Variants in CDC7 observed in about 807,000 individuals in gnomAD.
The protein encoded by CDC7 is cell division cycle 7-related protein kinase.
Under a neutral mutation model 53.5 loss-of-function variants are expected in CDC7, and 34 were observed. That is an observed-to-expected ratio of 0.64 (90% CI 0.48 to 0.85). The LOEUF is 0.85. Ranked by LOEUF, CDC7 falls within the 40% of genes least tolerant of loss-of-function variation. The pLI is 0.00. For synonymous variants in CDC7, 211 were observed against 222.8 expected, an observed-to-expected ratio of 0.95 and a Z score of 0.47; for missense variants, 594 against 679.7, an observed-to-expected ratio of 0.87 and a Z score of 1.40.
At chr1:91,511,043 AAC>A (rs1423250218) in intron 4 of CDC7, among the ~76,000 whole-genome samples, 1 of 152,028 alleles carries the variant, frequency 6.6e-6, no homozygotes, top group Non-Finnish European at 1.5e-5. Flanking sequence ...TTGTCTAGAT[AAC>A]TCTATCAAAA....
chr1:91,513,067 G>A lies in CDC7; in HGVS notation c.582G>A (p.Leu194=). 1 of 1,613,244 alleles carries A rather than the reference G, an allele frequency of 6.2e-7. No homozygotes were observed. The highest frequency in any genetic ancestry group is 8.5e-7 in the Non-Finnish European group (1 of 1,179,484). ...TAATTTTGTCTCTTAGGTATGCCTT[G>A]GTAGACTTTGGTTTGGCCCAAGGAA... The part of the protein sequence containing the change: ...LYNRRLKKYA[L]VDFGLAQGTH... The change falls in exon 7 of 12, where the codon TTG becomes TTA. Residue 194 remains leucine (L), a synonymous_variant. Transcript: ENST00000234626.
intron 2 of CDC7, among the ~76,000 whole-genome samples, chr1:91,503,039 C>CT (rs1340118114): frequency 6.6e-6 from 1 of 152,098 alleles, no homozygotes; most frequent in African/African-American, 2.4e-5. Context: ...TTTGTCTCCA[C>CT]TGTAAACCCC....
Position 91,507,905 on chromosome 1 carries a change from A to T in CDC7, c.167A>T (p.Asn56Ile). ...TATGAAGCTGTACCACAGCTTAGTA[A>T]TGTGTTTAAGATTGAGGACAAAATT... ...KLYEAVPQLS[N>I]VFKIEDKIGE... The change falls in exon 3 of 12, where the codon AAT becomes ATT. Residue 56 changes from asparagine (N) to isoleucine (I), a missense_variant. By Grantham distance (149) the Asn-to-Ile change is moderately radical. Transcript: ENST00000234626. The T allele has an allele frequency of 6.5e-7, 1 of 1,538,290 alleles. No individual in the cohort carries two copies. Among genetic ancestry groups the T allele is most frequent in the Non-Finnish European group, 8.9e-7 (1 of 1,127,398 alleles).
chr1:91,511,731 T>G lies in CDC7; in HGVS notation c.429+41T>G, dbSNP rs760011700. On this transcript the variant is annotated intron_variant, in intron 5 of 11. Transcript: ENST00000234626. Reference sequence around the variant, plus strand: ...TCTTGAATTTTTATTAGCTAAATATTTAATTGCAAACAATATTTGTAACTC... The same window carrying G: ...TCTTGAATTTTTATTAGCTAAATATGTAATTGCAAACAATATTTGTAACTC... The G allele has an allele frequency of 4.4e-6, 7 of 1,594,844 alleles. No individual in the cohort carries two copies. The South Asian group carries it at 7.9e-5, about 18-fold the overall frequency.
intron 6 of CDC7, 93 bp downstream of exon 6, chr1:91,512,016 A>G: frequency 2.1e-6 from 2 of 933,520 alleles, no homozygotes; most frequent in Non-Finnish European, 3.1e-6. Context: ...ATGATGTTAT[A>G]TATAGTACAA....
At chr1:91,507,967 T>G (rs148195270) in intron 3 of CDC7, 30 bp downstream of exon 3, 1 of 1,526,806 alleles carries the variant, frequency 6.5e-7, no homozygotes. Flanking sequence ...TTACTATTTT[T>G]ACGAGGTCTT....
intron 7 of CDC7, 126 bp from the exon 8 acceptor site, chr1:91,513,822 G>A: frequency 1.6e-6 from 1 of 618,634 alleles, no homozygotes; most frequent in South Asian, 2.0e-5. Context: ...TGGTGCCTGA[G>A]AATGACTTGG....
chr1:91,508,351 C>A lies in CDC7; in HGVS notation c.289C>A (p.His97Asn). ...TCTAAAACACTTGATTCCAACAAGTCATCCTATAAGAATTGCAGCTGAACT... is the reference window on the plus strand; with the variant it reads ...TCTAAAACACTTGATTCCAACAAGTAATCCTATAAGAATTGCAGCTGAACT... Reference protein sequence around the residue: ...IALKHLIPTSHPIRIAAELQC... With the variant: ...IALKHLIPTSNPIRIAAELQC... Residue 97 changes from histidine to asparagine, a missense_variant, in exon 4 of 12, where the codon CAT becomes AAT. Transcript: ENST00000234626. 1.2e-6 allele frequency: 2 copies of A among 1,611,814 alleles called. No individual in the cohort carries two copies. The highest frequency in any genetic ancestry group is 1.1e-5 in the South Asian group (1 of 90,820).
At chr1:91,522,749 A>G (rs938072687) in intron 11 of CDC7, among the ~76,000 whole-genome samples, 1 of 152,204 alleles carries the variant, frequency 6.6e-6, no homozygotes, top group Non-Finnish European at 1.5e-5. Flanking sequence ...AAGCATTGGC[A>G]TATTGTACTC....
At position 91,514,862 on chromosome 1, in the gene CDC7, TA is replaced by T; in HGVS notation, c.963del (p.Ala322GlnfsTer12). 1 of 1,613,124 alleles carries T rather than the reference TA, an allele frequency of 6.2e-7. No homozygotes were observed. Among genetic ancestry groups the T allele is most frequent in the Non-Finnish European group, 8.5e-7 (1 of 1,179,452 alleles). On this transcript the variant is annotated frameshift_variant, in exon 9 of 12. Coordinates refer to ENST00000234626, the MANE Select transcript of CDC7 (RefSeq NM_003503.4). LOFTEE classifies it high-confidence loss of function. Reference protein sequence around the residue: ...SKTVDVLSRKLATKKKAISTK... With the variant: ...SKTVDVLSRKXATKKKAISTK... The stretch of plus-strand genomic sequence containing the variant: ...ACTGTGGATGTACTGTCTAGAAAGT[TA>T]GCAACAAAAAAGAAGGCTATTTCTA...
chr1:91,502,374 C>T (rs888531102), intron 2 of CDC7, among the ~76,000 whole-genome samples: 4 of 152,104 alleles, frequency 2.6e-5, no homozygotes, highest in Admixed American at 2.6e-4. Context: ...TCTGCTCTGG[C>T]ACAGGACCTG....
rs1263269254 is a variant in CDC7, at chr1:91,524,540, T to G, written c.*105T>G. 3.5e-6 allele frequency: 3 copies of G among 861,830 alleles called. No homozygotes were observed. Among genetic ancestry groups the G allele is most frequent in the Non-Finnish European group, 5.3e-6 (3 of 566,792 alleles). 53.4% of individuals were successfully genotyped at this position (861,830 alleles called of 1,614,324 possible). A position where few individuals can be genotyped will look rare whatever the true frequency, so the allele number is the denominator to read the frequency against. On this transcript the variant is annotated 3_prime_UTR_variant, in exon 12 of 12. Coordinates refer to ENST00000234626, the MANE Select transcript of CDC7 (RefSeq NM_003503.4). ...AGAGACCAGAGCAGGATTAATAATT[T>G]ATTTTAACATTTTAGTGTTTGGTGG...
rs1469161216 is a variant in CDC7, at chr1:91,525,642, CTGTT to C, written c.*1210_*1213del. ...TGATAGGTCAGTATATCTACCTAAT[CTGTT>C]TGGTAAGTATAGGATATATAAACCA... On this transcript the variant is annotated 3_prime_UTR_variant, in exon 12 of 12. Transcript: ENST00000234626. 10 of 151,982 alleles carry C rather than the reference CTGTT, an allele frequency of 6.6e-5. No homozygotes were observed. Among genetic ancestry groups the C allele is most frequent in the South Asian group, 2.1e-4 (1 of 4,824 alleles). 9.4% of individuals were successfully genotyped at this position (151,982 alleles called of 1,614,324 possible).
At chr1:91,508,038 A>G in intron 3 of CDC7, 101 bp downstream of exon 3, 1 of 1,046,414 alleles carries the variant, frequency 9.6e-7, no homozygotes, top group African/African-American at 1.6e-5. Context: ...ATTGAAAAAT[A>G]TACCACTTTT....
At chr1:91,512,010 T>A in intron 6 of CDC7, 87 bp downstream of exon 6, 1 of 969,444 alleles carries the variant, frequency 1.0e-6, no homozygotes, top group Non-Finnish European at 1.5e-6. Flanking sequence ...TTGAACATGA[T>A]GTTATATATA....
chr1:91,512,059 GT>G, intron 6 of CDC7, 136 bp downstream of exon 6: 1 of 642,118 alleles, frequency 1.6e-6, no homozygotes, highest in Non-Finnish European at 2.5e-6. Flanking sequence ...ATTTATCTCA[GT>G]TACCCATCTT....
intron 1 of CDC7, 84 bp from the exon 2 acceptor site, chr1:91,501,566 ATGTT>A (rs1666678584): frequency 1.5e-6 from 1 of 664,386 alleles, no homozygotes; most frequent in African/African-American, 1.9e-5. Flanking sequence ...GCGTTTGAAA[ATGTT>A]TGCCCCTTTG....
chr1:91,520,378 T>G, intron 11 of CDC7, 99 bp downstream of exon 11: 1 of 1,023,900 alleles, frequency 9.8e-7, no homozygotes, highest in South Asian at 2.1e-5. Context: ...CAAATAAACA[T>G]TCAGTCTTGA....
At position 91,515,240 on chromosome 1, in the gene CDC7, G is replaced by C. The variant is rs151092893; in HGVS notation, c.1097+243G>C. Among the ~76,000 whole-genome samples, 116 of 152,300 alleles carry C rather than the reference G, an allele frequency of 7.6e-4. 1 individual carries two copies. The East Asian group carries it at 0.02, about 26-fold the overall frequency. On this transcript the variant is annotated intron_variant, in intron 9 of 11. Transcript: ENST00000234626. The stretch of plus-strand genomic sequence containing the variant: ...TATATGCAAATAAGTGGGACGGGGT[G>C]GCTTTTAGAAGCTTAGAATCACACA...
Sources: allele counts gnomAD v4.1 joint callset (sites outside exome capture counted in the v4.1 genomes callset), GRCh38; gene constraint gnomAD v4.1.1; transcripts MANE v1.5; gene names NCBI Gene and HGNC (gene_info 2026-07-23, HGNC 2026-07-21).